GCSAM: variants seen among roughly 807,000 people sequenced by gnomAD.
GCSAM encodes germinal center-associated signaling and motility protein.
Under a neutral mutation model 17.6 loss-of-function variants are expected in GCSAM, and 8 were observed. The ratio of observed to expected loss-of-function variants is 0.46; its 90% CI spans 0.27 to 0.82. The LOEUF is 0.82. GCSAM is among the 40% of genes least tolerant of loss of function. The pLI is 0.15. For synonymous variants in GCSAM, 68 were observed against 69.0 expected, an observed-to-expected ratio of 0.98 and a Z score of 0.07; for missense variants, 192 against 213.5, an observed-to-expected ratio of 0.90 and a Z score of 0.63.
At chr3:112,129,973 A>G (rs1299825528) in intron 2 of GCSAM, 1 of 156,506 alleles carries the variant, frequency 6.4e-6, no homozygotes, top group East Asian at 1.8e-4. Context: ...GTCTGTTCAA[A>G]AAGAATTAAT....
chr3:112,129,868 T>C (rs557164067), intron 2 of GCSAM: 11 of 152,522 alleles, frequency 7.2e-5, no homozygotes, highest in African/African-American at 2.6e-4. Flanking sequence ...ACTGACCTTG[T>C]CAGCCCTTAG....
intron 1 of GCSAM, 35 bp from the exon 2 acceptor site, chr3:112,130,548 T>A: frequency 6.4e-7 from 1 of 1,570,374 alleles, no homozygotes. Flanking sequence ...GGCTAAGTAT[T>A]TCCTAAACAG....
chr3:112,130,527 T>C lies in GCSAM; in HGVS notation c.30-14A>G. 1.2e-6 allele frequency: 2 copies of C among 1,611,874 alleles called. No homozygotes were observed. Among genetic ancestry groups the C allele is most frequent in the Admixed American group, 1.7e-5 (1 of 60,022 alleles). ...TTCTGCTGCCGCCTGAAACTCAACA[T>C]ATCAGAAACAGGCTAAGTATTTCCT... On this transcript the variant is annotated splice_polypyrimidine_tract_variant and intron_variant, in intron 1 of 5. Transcript: ENST00000308910.
Position 112,129,045 on chromosome 3 carries a change from A to G in GCSAM, c.99-984T>C, listed in dbSNP as rs140146131. 185 of 152,078 alleles carry G rather than the reference A, an allele frequency of 1.2e-3. 1 individual carries two copies. Among genetic ancestry groups the G allele is most frequent in the African/African-American group, 4.3e-3 (177 of 41,480 alleles). The allele number at this position is 152,078 out of a possible 1,614,324, so 9.4% of individuals were successfully genotyped here. A position where few individuals can be genotyped will look rare whatever the true frequency, so the allele number is the denominator to read the frequency against. ...ACCTGCTTGGCTGAGCATTCTGACA[A>G]CCTCTAAGATCTATGCATCATCAAA... is the stretch of plus-strand genomic sequence containing the variant. On this transcript the variant is annotated intron_variant, in intron 2 of 5. Coordinates refer to ENST00000308910, the MANE Select transcript of GCSAM (RefSeq NM_152785.5).
chr3:112,130,613 T>C (rs2074430558), intron 1 of GCSAM, 100 bp from the exon 2 acceptor site: 2 of 1,040,944 alleles, frequency 1.9e-6, no homozygotes, highest in African/African-American at 1.6e-5. Context: ...GCTATTTGTG[T>C]GTAACTCAGA....
intron 2 of GCSAM, 115 bp from the exon 3 acceptor site, chr3:112,128,176 T>G (rs2074372849): frequency 2.3e-6 from 2 of 854,010 alleles, no homozygotes; most frequent in Non-Finnish European, 4.0e-6. Flanking sequence ...CGCAAGCGTG[T>G]TTCATTCTAG....
At chr3:112,127,347 A>G (rs2074350375) in intron 3 of GCSAM, among the ~76,000 whole-genome samples, 4 of 152,140 alleles carry the variant, frequency 2.6e-5, no homozygotes, top group Admixed American at 2.6e-4. Flanking sequence ...CAAAGTATCA[A>G]TTTCTTTTCT....
chr3:112,128,823 T>G (rs1295583231), intron 2 of GCSAM: 1 of 152,560 alleles, frequency 6.6e-6, no homozygotes, highest in Non-Finnish European at 1.5e-5. Flanking sequence ...TCTGTACATT[T>G]TTCTGAATTT....
chr3:112,132,207 A>T (rs1453301479), intron 1 of GCSAM, among the ~76,000 whole-genome samples: 1 of 152,210 alleles, frequency 6.6e-6, no homozygotes, highest in East Asian at 1.9e-4. Flanking sequence ...GACATGAGAT[A>T]TTCCACAGGA....
intron 4 of GCSAM, among the ~76,000 whole-genome samples, chr3:112,126,475 G>A (rs756152592): frequency 9.9e-5 from 15 of 152,194 alleles, no homozygotes; most frequent in Non-Finnish European, 1.6e-4. Context: ...CACCAGCCTC[G>A]TAAGTGTTCT....
At chr3:112,126,243 T>G (rs1166888371) in intron 4 of GCSAM, among the ~76,000 whole-genome samples, 1 of 152,230 alleles carries the variant, frequency 6.6e-6, no homozygotes, top group African/African-American at 2.4e-5. Flanking sequence ...TTACACATCT[T>G]GCAGGGCTAG....
intron 1 of GCSAM, chr3:112,131,048 G>C (rs1198991560): frequency 1.3e-5 from 2 of 156,626 alleles, no homozygotes; most frequent in African/African-American, 2.4e-5. Flanking sequence ...CTTCCCACTT[G>C]TTGGGAATTG....
intron 5 of GCSAM, 142 bp from the exon 6 acceptor site, chr3:112,123,914 A>G: frequency 3.7e-6 from 3 of 816,716 alleles, no homozygotes; most frequent in Non-Finnish European, 5.7e-6. Flanking sequence ...TTTTTTCTAA[A>G]TGGCTGCTTC....
chr3:112,130,276 CA>C (rs5851820), intron 2 of GCSAM, 168 bp downstream of exon 2: 191,735 of 652,026 alleles, frequency 0.29, 31,388 homozygotes, highest in Non-Finnish European at 0.36. Flanking sequence ...ATCTCCTGTC[CA>C]AAGTTTTCAA....
chr3:112,123,514 A>T lies in GCSAM; in HGVS notation c.478T>A (p.Phe160Ile), dbSNP rs1371200320. ...LLMPHRISSH[F>I]LQQPRPLMAP... Reference sequence around the variant, plus strand: ...ATAAGTGGACGTGGCTGTTGCAGAAAGTGAGAGGAGATTCTGTGAGGCATG... The same window carrying T: ...ATAAGTGGACGTGGCTGTTGCAGAATGTGAGAGGAGATTCTGTGAGGCATG... Residue 160 changes from phenylalanine (F) to isoleucine (I), a missense_variant, in exon 6 of 6, where the codon TTT becomes ATT. Coordinates refer to ENST00000308910, the MANE Select transcript of GCSAM (RefSeq NM_152785.5). 9 of 1,614,190 alleles carry T rather than the reference A, an allele frequency of 5.6e-6. No individual in the cohort carries two copies. Among genetic ancestry groups the T allele is most frequent in the Admixed American group, 1.7e-5 (1 of 60,030 alleles).
intron 1 of GCSAM, chr3:112,132,716 C>T: frequency 1.0e-6 from 1 of 965,674 alleles, no homozygotes; most frequent in Non-Finnish European, 1.2e-6. Flanking sequence ...AAAATAGTGG[C>T]TGAAAGAGGG....
chr3:112,127,288 T>TG (rs2074348666), intron 3 of GCSAM, among the ~76,000 whole-genome samples: 1 of 152,198 alleles, frequency 6.6e-6, no homozygotes, highest in African/African-American at 2.4e-5. Context: ...GATTTATAGA[T>TG]GGGGAAATAT....
chr3:112,124,809 C>T lies in GCSAM; in HGVS notation c.219+417G>A, dbSNP rs2074275803. Among the ~76,000 whole-genome samples, 4 of 152,218 alleles carry T rather than the reference C, an allele frequency of 2.6e-5. No homozygotes were observed. In the South Asian group the frequency reaches 8.3e-4, roughly 32 times the overall value. ...GAAAAGCATGGATTGTGAAGTGAGA[C>T]TTGGTTTTGAATCCTGGTTCCGCCC... is the stretch of plus-strand genomic sequence containing the variant. On this transcript the variant is annotated intron_variant, in intron 5 of 5. Coordinates refer to ENST00000308910, the MANE Select transcript of GCSAM (RefSeq NM_152785.5).
Position 112,123,292 on chromosome 3 carries a change from T to G in GCSAM, c.*163A>C. ...TGGTTGATCTTTAGATTTTGGCTTT[T>G]GCGTGCTAAGAGGGCTTGTGGTATA... is the stretch of plus-strand genomic sequence containing the variant. On this transcript the variant is annotated 3_prime_UTR_variant, in exon 6 of 6. Transcript: ENST00000308910. The G allele has an allele frequency of 7.4e-7, 1 of 1,360,352 alleles. No homozygotes were observed. The highest frequency in any genetic ancestry group is 9.7e-7 in the Non-Finnish European group (1 of 1,026,814). 84.3% of individuals were successfully genotyped at this position (1,360,352 alleles called of 1,614,324 possible).
Sources: allele counts gnomAD v4.1 joint callset (sites outside exome capture counted in the v4.1 genomes callset), GRCh38; gene constraint gnomAD v4.1.1; transcripts MANE v1.5; gene names NCBI Gene and HGNC (gene_info 2026-07-23, HGNC 2026-07-21).